MGA: variants seen among roughly 807,000 people sequenced by gnomAD.
MGA encodes the protein MAX gene-associated protein.
MGA carries 40 observed loss-of-function variants against 261.1 expected under a neutral mutation model. The ratio of observed to expected loss-of-function variants is 0.15; its 90% CI spans 0.12 to 0.20. MGA has a LOEUF of 0.20. Among genes scored for constraint, MGA ranks in the 10% least tolerant of loss-of-function variants. MGA has a pLI of 1.00. For synonymous variants in MGA, 1,302 were observed against 1,290.6 expected (o/e 1.01, Z -0.19); for missense variants, 3,397 against 3,630.5 (o/e 0.94, Z 1.65).
At chr15:41,656,551 G>C (rs1305642594), upstream of MGA, among the ~76,000 whole-genome samples, 1 of 151,288 alleles carries the variant, frequency 6.6e-6, no homozygotes, top group Non-Finnish European at 1.5e-5. Flanking sequence ...GTAGAGACAG[G>C]GTCTTGCCAT....
chr15:41,765,041 G>T lies in MGA; in HGVS notation c.7900G>T (p.Gly2634Cys). The T allele has an allele frequency of 1.2e-6, 2 of 1,613,982 alleles. No homozygotes were observed. The highest frequency in any genetic ancestry group is 1.7e-6 in the Non-Finnish European group (2 of 1,179,880). Residue 2634 changes from glycine to cysteine, a missense_variant, in exon 23 of 24, where the codon GGT becomes TGT. Coordinates refer to ENST00000219905, the MANE Select transcript of MGA (RefSeq NM_001164273.2). ...ATCTGATCTTAAGCCTCAAGTTGCC[G>T]GTAGTGCTGTGGCTCTACCAGGTAT...
intron 1 of MGA, among the ~76,000 whole-genome samples, chr15:41,631,307 TG>T (rs1165048588): frequency 6.6e-6 from 1 of 152,204 alleles, no homozygotes; most frequent in East Asian, 1.9e-4. Flanking sequence ...GCTCTTTGTT[TG>T]ATATGATAAA....
chr15:41,642,380 G>A (rs763599432), intron 1 of MGA, among the ~76,000 whole-genome samples: 19 of 150,418 alleles, frequency 1.3e-4, no homozygotes, highest in Admixed American at 2.6e-4. Flanking sequence ...CGTGATCTCG[G>A]CTCACTGCAA....
chr15:41,720,674 A>G (rs2060890472), intron 9 of MGA, among the ~76,000 whole-genome samples: 1 of 152,140 alleles, frequency 6.6e-6, no homozygotes, highest in Non-Finnish European at 1.5e-5. Flanking sequence ...TCTACTAAAA[A>G]TACAAAAAAT....
In MGA at chr15:41,729,176, G is replaced by A. The variant is rs1446292727; in HGVS notation, c.3670G>A (p.Asp1224Asn). 1 of 1,613,568 alleles carries A rather than the reference G, an allele frequency of 6.2e-7. No homozygotes were observed. Among genetic ancestry groups the A allele is most frequent in the South Asian group, 1.1e-5 (1 of 90,986 alleles). Residue 1224 changes from aspartate to asparagine, a missense_variant, in exon 11 of 24, where the codon GAC becomes AAC. Coordinates refer to ENST00000219905, the MANE Select transcript of MGA (RefSeq NM_001164273.2). The stretch of plus-strand genomic sequence containing the variant: ...ATGAAATTTACAGATTCGGGAAGAG[G>A]ACAAAGATCCAGTCTACTTGTACTT...
rs2151909929 is a variant in MGA, at chr15:41,748,618, TCCATTTCCTGTTTTTCAGAA to T, written c.5213-18_5214del. The T allele has an allele frequency of 6.2e-7, 1 of 1,604,174 alleles. No homozygotes were observed. Among genetic ancestry groups the T allele is most frequent in the African/African-American group, 1.3e-5 (1 of 74,750 alleles). On this transcript the variant is annotated splice_acceptor_variant and splice_polypyrimidine_tract_variant and coding_sequence_variant and intron_variant, in exon 16 of 24. Transcript: ENST00000219905. LOFTEE classifies it high-confidence loss of function. ...TAAAGGGGAATTTGGGTACCATGTT[TCCATTTCCTGTTTTTCAGAA>T]AATGCTGCTCAAATTCCAGTGGCTA...
chr15:41,678,184 A>G (rs1595682302), intron 2 of MGA, among the ~76,000 whole-genome samples: 1 of 149,026 alleles, frequency 6.7e-6, no homozygotes, highest in Non-Finnish European at 1.5e-5. Flanking sequence ...TGTGCCTCCC[A>G]GGTTCAAGCG....
chr15:41,670,728 G>A (rs1224062245), intron 2 of MGA, among the ~76,000 whole-genome samples: 8 of 151,788 alleles, frequency 5.3e-5, no homozygotes, highest in East Asian at 1.9e-4. Context: ...GGATGGTCTC[G>A]ATCTCCTGAC....
chr15:41,684,540 T>A (rs1243664586), intron 2 of MGA: 7 of 325,540 alleles, frequency 2.2e-5, no homozygotes, highest in Admixed American at 4.1e-5. Context: ...TTTCTGAGAG[T>A]GTTTATAACT....
intron 1 of MGA, among the ~76,000 whole-genome samples, chr15:41,648,644 G>A (rs1040922825): frequency 1.3e-4 from 20 of 152,264 alleles, no homozygotes; most frequent in East Asian, 1.9e-4. Flanking sequence ...AATAGAAAAA[G>A]CAGTGTAAGA....
At chr15:41,697,521 A>G (rs994078264) in intron 3 of MGA, among the ~76,000 whole-genome samples, 1 of 150,030 alleles carries the variant, frequency 6.7e-6, no homozygotes, top group African/African-American at 2.5e-5. Context: ...AGTTCAAGCC[A>G]TTCTCGTGCC....
Position 41,710,901 on chromosome 15 carries a change from C to T in MGA, c.2636C>T (p.Ser879Phe). The stretch of plus-strand genomic sequence containing the variant: ...GTACTAAAGAAGCAATCTACTATTT[C>T]CCCTTCTACCTCTTATTCTTTGAAA... Residue 879 changes from serine (S) to phenylalanine (F), a missense_variant, in exon 8 of 24, where the codon TCC (serine) becomes TTC (phenylalanine). Ser to Phe is a radical substitution (Grantham distance 155). Around this residue, in one of 9 missense-constraint regions of MGA, gnomAD observed 519 missense variants for 554.1 expected, o/e 0.94. Transcript: ENST00000219905. 6.2e-7 allele frequency: 1 copy of T among 1,613,906 alleles called. No individual in the cohort carries two copies. The highest frequency in any genetic ancestry group is 8.5e-7 in the Non-Finnish European group (1 of 1,179,834).
intron 9 of MGA, among the ~76,000 whole-genome samples, chr15:41,724,921 T>C (rs1375198665): frequency 6.6e-6 from 1 of 152,206 alleles, no homozygotes; most frequent in Non-Finnish European, 1.5e-5. Context: ...TTGTTATTAA[T>C]GTTCAGAGCA....
intron 11 of MGA, 31 bp downstream of exon 11, chr15:41,729,380 A>C: frequency 6.4e-7 from 1 of 1,572,290 alleles, no homozygotes; most frequent in Non-Finnish European, 8.7e-7. Context: ...GTTCTTTTTA[A>C]CTTCTGATTA....
chr15:41,690,491 A>G (rs1375509537), intron 2 of MGA, among the ~76,000 whole-genome samples: 1 of 152,212 alleles, frequency 6.6e-6, no homozygotes, highest in Non-Finnish European at 1.5e-5. Context: ...ATCAGTTGAC[A>G]TAAATGTGGG....
chr15:41,704,412 C>T (rs575128223), intron 5 of MGA, among the ~76,000 whole-genome samples: 2 of 152,272 alleles, frequency 1.3e-5, no homozygotes, highest in African/African-American at 4.8e-5. Flanking sequence ...GTAATCCCAG[C>T]ACTTTGGGAG....
chr15:41,744,698 A>T (rs2062338662), intron 15 of MGA, among the ~76,000 whole-genome samples: 1 of 151,848 alleles, frequency 6.6e-6, no homozygotes, highest in South Asian at 2.1e-4. Context: ...CTGTTTCTGT[A>T]CTCTTAATTC....
intron 2 of MGA, among the ~76,000 whole-genome samples, chr15:41,671,443 C>G (rs1052741695): frequency 2.6e-5 from 4 of 152,086 alleles, no homozygotes; most frequent in Non-Finnish European, 4.4e-5. Flanking sequence ...CCTGCCTCAG[C>G]CTCCCAAGTA....
At chr15:41,649,403 A>G (rs2056996831) in intron 1 of MGA, among the ~76,000 whole-genome samples, 1 of 150,968 alleles carries the variant, frequency 6.6e-6, no homozygotes, top group Admixed American at 6.6e-5. Flanking sequence ...AAGGACATAT[A>G]GTCTATAATT....
Sources: allele counts gnomAD v4.1 joint callset (sites outside exome capture counted in the v4.1 genomes callset), GRCh38; gene constraint gnomAD v4.1.1; regional missense constraint gnomAD v4.1.1; transcripts MANE v1.5; gene names NCBI Gene and HGNC (gene_info 2026-07-23, HGNC 2026-07-21).